CXADR: variants seen among roughly 807,000 people sequenced by gnomAD.
CXADR encodes the protein CXADR cell adhesion molecule.
A neutral mutation model predicts 40.3 loss-of-function variants in CXADR; 20 were observed. That is an observed-to-expected ratio of 0.50 (90% CI 0.35 to 0.72). CXADR has a LOEUF of 0.72. Among genes scored for constraint, CXADR ranks in the 30% least tolerant of loss-of-function variants. CXADR has a pLI of 0.01. For missense variants in CXADR, 332 were observed against 449.1 expected, an observed-to-expected ratio of 0.74 and a Z score of 2.36; for synonymous variants, 150 against 161.3, an observed-to-expected ratio of 0.93 and a Z score of 0.53.
chr21:17,535,024 C>T (rs908661121), intron 1 of CXADR, among the ~76,000 whole-genome samples: 2 of 152,038 alleles, frequency 1.3e-5, no homozygotes, highest in African/African-American at 2.4e-5. Context: ...TCAGGTGATC[C>T]GCCTGCCTTG....
the CXADR span, chr21:17,626,979 G>A: frequency 6.6e-6 from 1 of 152,178 alleles, no homozygotes; most frequent in Non-Finnish European, 1.5e-5. Flanking sequence ...AAGAAGGAAA[G>A]TTTCCTAACT....
chr21:17,524,451 A>G (rs1402864541), intron 1 of CXADR, among the ~76,000 whole-genome samples: 1 of 151,142 alleles, frequency 6.6e-6, no homozygotes, highest in African/African-American at 2.4e-5. Flanking sequence ...AATCTCAGCT[A>G]CCTAAGAGGC....
the CXADR span, among the ~76,000 whole-genome samples, chr21:17,600,675 G>T: frequency 6.6e-6 from 1 of 151,166 alleles, no homozygotes; most frequent in Non-Finnish European, 1.5e-5. Context: ...AAAAAAACAA[G>T]AACAAAAAAT....
the CXADR span, among the ~76,000 whole-genome samples, chr21:17,627,855 A>G: frequency 1.3e-5 from 2 of 152,222 alleles, no homozygotes; most frequent in Non-Finnish European, 2.9e-5. Flanking sequence ...TGGTAAAAGT[A>G]TGGATGTGTG....
intron 4 of CXADR, 22 bp downstream of exon 4, chr21:17,559,153 G>T: frequency 6.2e-7 from 1 of 1,612,590 alleles, no homozygotes; most frequent in Non-Finnish European, 8.5e-7. Flanking sequence ...AATAGTATTT[G>T]TACCACATGC....
chr21:17,614,747 A>G, the CXADR span, among the ~76,000 whole-genome samples: 1 of 152,206 alleles, frequency 6.6e-6, no homozygotes, highest in Non-Finnish European at 1.5e-5. Context: ...TGTCTAAAAA[A>G]AGAAAAAAAA....
intron 5 of CXADR, among the ~76,000 whole-genome samples, chr21:17,561,065 G>A (rs2061112416): frequency 6.6e-6 from 1 of 152,168 alleles, no homozygotes; most frequent in South Asian, 2.1e-4. Flanking sequence ...GCTGTTATAA[G>A]TATGAGTAGC....
chr21:17,540,161 G>T (rs561236255), intron 1 of CXADR, among the ~76,000 whole-genome samples: 16 of 152,056 alleles, frequency 1.1e-4, no homozygotes, highest in African/African-American at 3.6e-4. Context: ...TCTCTTAAGC[G>T]GATGTCAGTT....
chr21:17,556,539 G>A, intron 3 of CXADR, among the ~76,000 whole-genome samples: 1 of 152,162 alleles, frequency 6.6e-6, no homozygotes, highest in African/African-American at 2.4e-5. Flanking sequence ...GATGCACAAA[G>A]CATTGCATCA....
chr21:17,555,704 T>C (rs960096798), intron 3 of CXADR, among the ~76,000 whole-genome samples: 3 of 152,200 alleles, frequency 2.0e-5, no homozygotes, highest in Non-Finnish European at 4.4e-5. Flanking sequence ...GTTTAAGTTT[T>C]ATCTGATGGG....
At position 17,565,560 on chromosome 21, in the gene CXADR, A is replaced by G. The variant is rs1335615876; in HGVS notation, c.966A>G (p.Pro322=). 6.2e-7 allele frequency: 1 copy of G among 1,613,848 alleles called. No individual in the cohort carries two copies. Among genetic ancestry groups the G allele is most frequent in the Admixed American group, 1.7e-5 (1 of 60,018 alleles). The change falls in exon 7 of 7, where the codon CCA becomes CCG. Residue 322 remains proline, a synonymous_variant. Transcript: ENST00000284878. ...GYSKTQYNQV[P]SEDFERTPQS... is the part of the protein sequence containing the mutation. ...CCAAGACTCAGTATAACCAAGTACC[A>G]AGTGAAGACTTTGAACGCACTCCTC...
At chr21:17,580,032 A>C (rs575808745) in intron 7 of CXADR, among the ~76,000 whole-genome samples, 18 of 152,248 alleles carry the variant, frequency 1.2e-4, no homozygotes, top group Middle Eastern at 3.4e-3. Context: ...TATGTTATCT[A>C]AGCTGGTCTC....
At chr21:17,591,464 G>C (rs2061434351) in intron 7 of CXADR, among the ~76,000 whole-genome samples, 1 of 151,946 alleles carries the variant, frequency 6.6e-6, no homozygotes, top group African/African-American at 2.4e-5. Context: ...TGTTAGCTGA[G>C]AAGTCAACAT....
At chr21:17,593,419 T>C in exon 8 of CXADR, 1 of 329,446 alleles carries the variant, frequency 3.0e-6, no homozygotes. Flanking sequence ...GTGACACTGA[T>C]AGTTAAAAGA....
Position 17,561,477 on chromosome 21 carries a change from G to A in CXADR, c.833+1G>A, listed in dbSNP as rs137939398. ...AAAAGGAAGTTCATCACGATATCAG[G>A]TAATTAAGTGAGACAGGAGTTGACT... On this transcript the variant is annotated splice_donor_variant, in intron 6 of 6. Coordinates refer to ENST00000284878, the MANE Select transcript of CXADR (RefSeq NM_001338.5). LOFTEE classifies it high-confidence loss of function. The A allele has an allele frequency of 6.2e-7, 1 of 1,604,004 alleles. No individual in the cohort carries two copies. Among genetic ancestry groups the A allele is most frequent in the Non-Finnish European group, 8.5e-7 (1 of 1,176,032 alleles).
intron 1 of CXADR, among the ~76,000 whole-genome samples, chr21:17,531,674 C>T (rs1440863522): frequency 1.3e-5 from 2 of 152,166 alleles, no homozygotes; most frequent in African/African-American, 4.8e-5. Context: ...ATTGTAGTCC[C>T]CGTTTGTCAC....
the CXADR span, among the ~76,000 whole-genome samples, chr21:17,635,627 A>G: frequency 1.3e-5 from 2 of 152,206 alleles, no homozygotes; most frequent in East Asian, 3.9e-4. Flanking sequence ...ATTTAATAAG[A>G]TATTGAGCTT....
At chr21:17,522,864 T>C (rs1236224928) in intron 1 of CXADR, among the ~76,000 whole-genome samples, 1 of 152,222 alleles carries the variant, frequency 6.6e-6, no homozygotes, top group African/African-American at 2.4e-5. Context: ...TTAATGTCTC[T>C]ACACACACTT....
At position 17,561,318 on chromosome 21, in the gene CXADR, A is replaced by G. The variant is rs150493172; in HGVS notation, c.695-20A>G. The G allele has an allele frequency of 1.9e-4, 279 of 1,448,562 alleles. 1 individual carries two copies. In the African/African-American group the frequency reaches 3.6e-3, roughly 19 times the overall value. 89.7% of individuals were successfully genotyped at this position (1,448,562 alleles called of 1,614,324 possible). ...TGTATATATGTATATATTTTTTACT[A>G]TTAATTCTTCTTATTTTAGCTTCAA... On this transcript the variant is annotated intron_variant, in intron 5 of 6. Coordinates refer to ENST00000284878, the MANE Select transcript of CXADR (RefSeq NM_001338.5).
Sources: allele counts gnomAD v4.1 joint callset (sites outside exome capture counted in the v4.1 genomes callset), GRCh38; gene constraint gnomAD v4.1.1; transcripts MANE v1.5; gene names NCBI Gene and HGNC (gene_info 2026-07-23, HGNC 2026-07-21).